The following DGKB variants were observed in gnomAD, a reference collection of about 807,000 sequenced individuals.
DGKB encodes 90 kDa diacylglycerol kinase.
Under a neutral mutation model 114.3 loss-of-function variants are expected in DGKB, and 67 were observed. The ratio of observed to expected loss-of-function variants is 0.59; its 90% CI spans 0.48 to 0.72. The LOEUF (loss-of-function observed/expected upper bound fraction) is 0.72, where lower values mean the gene tolerates loss of function less well. Among genes scored for constraint, DGKB ranks in the 30% least tolerant of loss-of-function variants. DGKB has a pLI of 0.00. For synonymous variants in DGKB, 398 were observed against 323.1 expected (o/e 1.23, Z -2.49); for missense variants, 907 against 975.2 (o/e 0.93, Z 0.93).
At chr7:14,840,013 T>C (rs1350037198) in intron 2 of DGKB, among the ~76,000 whole-genome samples, 1 of 152,184 alleles carries the variant, frequency 6.6e-6, no homozygotes, top group African/African-American at 2.4e-5. Context: ...ATATGTACTC[T>C]ATAATTAATG....
At chr7:14,743,929 C>T (rs1832908654) in intron 4 of DGKB, among the ~76,000 whole-genome samples, 1 of 152,192 alleles carries the variant, frequency 6.6e-6, no homozygotes. Context: ...GAGACTCTAA[C>T]ACTGGACTAA....
At chr7:14,649,194 C>G (rs1371230105) in intron 13 of DGKB, among the ~76,000 whole-genome samples, 1 of 146,200 alleles carries the variant, frequency 6.8e-6, no homozygotes, top group Non-Finnish European at 1.5e-5. Context: ...ACATAATTGT[C>G]AGATTCACCA....
intron 13 of DGKB, among the ~76,000 whole-genome samples, chr7:14,648,304 G>T (rs990303945): frequency 2.6e-5 from 4 of 152,130 alleles, no homozygotes; most frequent in Non-Finnish European, 4.4e-5. Context: ...ATCTGAGAAC[G>T]GGCAGACTGC....
chr7:14,476,219 A>G (rs1276016667), intron 21 of DGKB, among the ~76,000 whole-genome samples: 1 of 152,022 alleles, frequency 6.6e-6, no homozygotes, highest in African/African-American at 2.4e-5. Context: ...AGACTACTCT[A>G]TCTTATAATA....
At chr7:14,531,794 C>G (rs1197307834) in intron 20 of DGKB, among the ~76,000 whole-genome samples, 1 of 150,394 alleles carries the variant, frequency 6.6e-6, no homozygotes, top group African/African-American at 2.4e-5. Flanking sequence ...TCTACAGAAG[C>G]TATAGAAATC....
At chr7:14,177,579 A>AAAAAAAAAAAAAAAAAAAAAAAAAAAAAC (rs1781966561) in intron 24 of DGKB, among the ~76,000 whole-genome samples, 1 of 147,108 alleles carries the variant, frequency 6.8e-6, no homozygotes, top group Non-Finnish European at 1.5e-5. Flanking sequence ...AAAAAAAAAA[A>AAAAAAAAAAAAAAAAAAAAAAAAAAAAAC]ATTGGGGGGA....
chr7:14,660,341 C>T (rs1190800435), intron 13 of DGKB, among the ~76,000 whole-genome samples: 5 of 151,628 alleles, frequency 3.3e-5, no homozygotes, highest in Admixed American at 1.3e-4. Context: ...TGGTAGAATT[C>T]GGCTGTGAAT....
chr7:14,167,047 T>C (rs1460283347), intron 25 of DGKB, among the ~76,000 whole-genome samples: 1 of 151,716 alleles, frequency 6.6e-6, no homozygotes, highest in Non-Finnish European at 1.5e-5. Flanking sequence ...CCATCTGTAC[T>C]AAAAATACAA....
chr7:14,846,841 A>G (rs1416127766), intron 1 of DGKB, among the ~76,000 whole-genome samples: 1 of 152,210 alleles, frequency 6.6e-6, no homozygotes, highest in Non-Finnish European at 1.5e-5. Flanking sequence ...GCGAGAAATC[A>G]ACCTACTCGT....
chr7:14,822,948 T>C (rs1266458506), intron 2 of DGKB, among the ~76,000 whole-genome samples: 2 of 152,070 alleles, frequency 1.3e-5, no homozygotes, highest in African/African-American at 4.8e-5. Context: ...ATATCTTAAT[T>C]ATAATTGGAT....
chr7:14,580,990 A>C (rs1445341873), intron 18 of DGKB, 39 bp from the exon 19 acceptor site: 1 of 1,465,628 alleles, frequency 6.8e-7, no homozygotes, highest in Non-Finnish European at 9.3e-7. Context: ...GAAAATTTTA[A>C]GTTCAGATAA....
intron 23 of DGKB, among the ~76,000 whole-genome samples, chr7:14,193,801 G>T (rs1784640336): frequency 6.6e-6 from 1 of 151,912 alleles, no homozygotes; most frequent in South Asian, 2.1e-4. Context: ...TTCTAACAAG[G>T]AGTTAATATA....
chr7:14,286,689 G>C (rs1280740528), intron 23 of DGKB, among the ~76,000 whole-genome samples: 2 of 151,996 alleles, frequency 1.3e-5, no homozygotes, highest in Non-Finnish European at 2.9e-5. Flanking sequence ...TTCTGGATAG[G>C]AAACTTTCCT....
rs1793397665 is a variant in DGKB, at chr7:14,239,956, G to C, written c.2123-61805C>G. On this transcript the variant is annotated intron_variant, in intron 23 of 25. Coordinates refer to ENST00000402815, the MANE Select transcript of DGKB (RefSeq NM_001350709.2). ...TAAATCCTTAAAGGAATATACTTTA[G>C]GTCTTATTTTTGACATGAAGAAAAA... Among the ~76,000 whole-genome samples the C allele has an allele frequency of 2.6e-5, 4 of 151,964 alleles. No homozygotes were observed. The South Asian group carries it at 8.3e-4, about 32-fold the overall frequency.
intron 25 of DGKB, among the ~76,000 whole-genome samples, chr7:14,161,520 C>A (rs189898420): frequency 2.0e-5 from 3 of 152,160 alleles, no homozygotes; most frequent in Admixed American, 2.0e-4. Flanking sequence ...TTTGCAGGGA[C>A]ATGGATGAAG....
At chr7:14,155,023 C>A (rs969819815) in intron 25 of DGKB, among the ~76,000 whole-genome samples, 1 of 151,982 alleles carries the variant, frequency 6.6e-6, no homozygotes, top group African/African-American at 2.4e-5. Flanking sequence ...CCGGTCCCAC[C>A]CCAGATCTTC....
intron 4 of DGKB, among the ~76,000 whole-genome samples, chr7:14,748,576 G>C (rs1189205072): frequency 3.9e-5 from 6 of 152,120 alleles, no homozygotes; most frequent in Admixed American, 2.0e-4. Context: ...GGGAGGACCA[G>C]AGTAGTAGAA....
At chr7:14,624,337 T>C (rs1165230033) in intron 14 of DGKB, among the ~76,000 whole-genome samples, 1 of 152,224 alleles carries the variant, frequency 6.6e-6, no homozygotes. Context: ...TTAATACAGT[T>C]ATTCTTCCTA....
At chr7:14,289,630 G>A (rs1312469995) in intron 23 of DGKB, among the ~76,000 whole-genome samples, 2 of 149,922 alleles carry the variant, frequency 1.3e-5, no homozygotes, top group African/African-American at 2.5e-5. Flanking sequence ...CCATAATAAA[G>A]AAGAATAATA....
Sources: gnomAD v4.1 joint callset for allele counts (sites outside exome capture counted in the v4.1 genomes callset) on GRCh38, gnomAD v4.1.1 for gene constraint, MANE v1.5 for transcripts, NCBI Gene and HGNC (gene_info 2026-07-23, HGNC 2026-07-21) for gene names.